LOC128125818: variants seen among roughly 807,000 people sequenced by gnomAD.
chr4:6,066,019 C>T, the LOC128125818 span, among the ~76,000 whole-genome samples: 3 of 152,074 alleles, frequency 2.0e-5, no homozygotes, highest in South Asian at 2.1e-4. Flanking sequence ...AAACAGCCCC[C>T]GACAAGGATT....
At chr4:6,066,773 A>G in the LOC128125818 span, among the ~76,000 whole-genome samples, 6,337 of 151,464 alleles carry the variant, frequency 0.042, 467 homozygotes, top group East Asian at 0.3. Context: ...AGCCACCAAT[A>G]TCTCTCTCTC....
chr4:6,066,214 T>C, the LOC128125818 span, among the ~76,000 whole-genome samples: 1 of 151,636 alleles, frequency 6.6e-6, no homozygotes, highest in African/African-American at 2.4e-5. Flanking sequence ...AGCCTGAGTG[T>C]TTTACCCAGA....
chr4:6,067,066 C>T, the LOC128125818 span, among the ~76,000 whole-genome samples: 17 of 152,152 alleles, frequency 1.1e-4, no homozygotes, highest in African/African-American at 3.1e-4. The surrounding 1 kb of genome is among the most constrained non-coding windows in gnomAD (Gnocchi z 4.6). Context: ...GCTTCACCCC[C>T]GCCCCAGCCT....
the LOC128125818 span, among the ~76,000 whole-genome samples, chr4:6,068,821 C>T: frequency 2.0e-5 from 3 of 152,122 alleles, no homozygotes; most frequent in African/African-American, 7.2e-5. Context: ...CCGTCTACCT[C>T]GACCTCCCAA....
At chr4:6,070,033 C>G in the LOC128125818 span, 2 of 398,608 alleles carry the variant, frequency 5.0e-6, no homozygotes, top group Non-Finnish European at 8.8e-6. Flanking sequence ...CCTCAAAACG[C>G]AAAACCCCGA....
chr4:6,070,101 C>T, the LOC128125818 span: 1 of 398,776 alleles, frequency 2.5e-6, no homozygotes, highest in African/African-American at 2.1e-5. Context: ...GAAGTACAGG[C>T]ACACCAGGGC....
At chr4:6,069,742 G>T in the LOC128125818 span, among the ~76,000 whole-genome samples, 1 of 127,284 alleles carries the variant, frequency 7.9e-6, no homozygotes, top group South Asian at 2.7e-4. The surrounding 1 kb of genome is among the most constrained non-coding windows in gnomAD (Gnocchi z 4.5). Context: ...GACAGGGCAA[G>T]ATCCTGTCTC....
At chr4:6,066,796 A>C in the LOC128125818 span, among the ~76,000 whole-genome samples, 4 of 151,986 alleles carry the variant, frequency 2.6e-5, no homozygotes, top group African/African-American at 9.7e-5. Context: ...GAATTATTAA[A>C]ACCACCAACA....
the LOC128125818 span, chr4:6,070,074 A>C: frequency 7.5e-6 from 3 of 398,718 alleles, no homozygotes; most frequent in African/African-American, 2.1e-5. Flanking sequence ...CTTATAGGTC[A>C]TCTCCTGGCA....
At chr4:6,070,014 G>T in the LOC128125818 span, 6 of 398,270 alleles carry the variant, frequency 1.5e-5, no homozygotes, top group Non-Finnish European at 2.7e-5. Context: ...GCCAGGGACC[G>T]CCAGAGAACC....
the LOC128125818 span, among the ~76,000 whole-genome samples, chr4:6,068,428 T>A: frequency 6.6e-6 from 1 of 152,124 alleles, no homozygotes; most frequent in African/African-American, 2.4e-5. Flanking sequence ...GCAGTCCAAT[T>A]TGAATCCTGC....
chr4:6,068,696 T>C, the LOC128125818 span, among the ~76,000 whole-genome samples: 1 of 152,052 alleles, frequency 6.6e-6, no homozygotes, highest in Non-Finnish European at 1.5e-5. Flanking sequence ...TAGCTGGGAT[T>C]ACAGGTGCGT....
At chr4:6,065,869 G>T in the LOC128125818 span, among the ~76,000 whole-genome samples, 1 of 152,156 alleles carries the variant, frequency 6.6e-6, no homozygotes, top group Non-Finnish European at 1.5e-5. The surrounding 1 kb of genome is among the most constrained non-coding windows in gnomAD (Gnocchi z 5.1). Flanking sequence ...GCAGGCCTGG[G>T]GAATACAATA....
the LOC128125818 span, among the ~76,000 whole-genome samples, chr4:6,068,177 G>A: frequency 7.9e-5 from 12 of 152,292 alleles, no homozygotes; most frequent in South Asian, 4.1e-4. Context: ...CAATGCTGCC[G>A]AAAACCCTAC....
chr4:6,066,919 C>A, the LOC128125818 span, among the ~76,000 whole-genome samples: 1 of 152,200 alleles, frequency 6.6e-6, no homozygotes, highest in Non-Finnish European at 1.5e-5. Flanking sequence ...CCCACACACA[C>A]CTGCCATGGG....
At chr4:6,069,132 C>G in the LOC128125818 span, among the ~76,000 whole-genome samples, 1 of 152,104 alleles carries the variant, frequency 6.6e-6, no homozygotes, top group Admixed American at 6.5e-5. The surrounding 1 kb of genome is among the most constrained non-coding windows in gnomAD (Gnocchi z 4.5). Flanking sequence ...TCAAAAAATG[C>G]AGGAAATAAT....
the LOC128125818 span, among the ~76,000 whole-genome samples, chr4:6,067,206 G>A: frequency 6.6e-6 from 1 of 152,182 alleles, no homozygotes; most frequent in African/African-American, 2.4e-5. This position sits in a 1 kb window ranked among gnomAD's most constrained non-coding sequence, Gnocchi z 4.6. Flanking sequence ...ACAGGGGGTT[G>A]GCCCTTTTGT....
At chr4:6,065,434 AG>A in the LOC128125818 span, among the ~76,000 whole-genome samples, 1 of 152,242 alleles carries the variant, frequency 6.6e-6, no homozygotes, top group Non-Finnish European at 1.5e-5. The surrounding 1 kb of genome is among the most constrained non-coding windows in gnomAD (Gnocchi z 5.1). Flanking sequence ...ACCAAGGAGA[AG>A]GGGGACAGGG....
the LOC128125818 span, among the ~76,000 whole-genome samples, chr4:6,066,181 C>T: frequency 1.1e-4 from 16 of 152,194 alleles, no homozygotes; most frequent in Admixed American, 1.0e-3. Context: ...CCAGGCACTC[C>T]CCACATACTA....
Sources: gnomAD v4.1 joint callset for allele counts (sites outside exome capture counted in the v4.1 genomes callset) on GRCh38, gnomAD v4.1.1 for gene constraint, Gnocchi (gnomAD v3.1) non-coding constraint, MANE v1.5 for transcripts.